PLCXD1: variants seen among roughly 807,000 people sequenced by gnomAD.
The protein encoded by PLCXD1 is phosphatidylinositol specific phospholipase C X domain containing 1, also known as PI-PLC X domain-containing protein 1.
A neutral mutation model predicts 37.8 loss-of-function variants in PLCXD1; 45 were observed. That is an observed-to-expected ratio of 1.19 (90% CI 0.94 to 1.53). The LOEUF (loss-of-function observed/expected upper bound fraction) is 1.53, where lower values mean the gene tolerates loss of function less well. PLCXD1 is among the 40% of genes most tolerant of loss of function. The probability of loss-of-function intolerance (pLI) is 0.00; values close to 1 mark genes in which losing one functional copy is unlikely to be tolerated. For synonymous variants in PLCXD1, 246 were observed against 206.9 expected (o/e 1.19, Z -1.62); for missense variants, 539 against 454.7 (o/e 1.19, Z -1.69).
chrX:279,814 A>C (rs766667152), upstream of PLCXD1, among the ~76,000 whole-genome samples: 9 of 152,088 alleles, frequency 5.9e-5, no homozygotes, highest in South Asian at 1.9e-3. Flanking sequence ...TATTAGTAGA[A>C]AGGAATATCT....
Position 300,634 on chromosome X carries a change from G to A in PLCXD1, c.*1299G>A, listed in dbSNP as rs767565959. On this transcript the variant is annotated 3_prime_UTR_variant, in exon 7 of 7. Coordinates refer to ENST00000381657, the MANE Select transcript of PLCXD1 (RefSeq NM_018390.4). ...TGCGTGTATACGTGTATGTATACAT[G>A]TATATGTGTGTATGCGTGTATATAC... is the stretch of plus-strand genomic sequence containing the variant. 3 of 152,040 alleles carry A rather than the reference G, an allele frequency of 2.0e-5. No individual in the cohort carries two copies. Among genetic ancestry groups the A allele is most frequent in the African/African-American group, 7.2e-5 (3 of 41,442 alleles). 9.4% of individuals were successfully genotyped at this position (152,040 alleles called of 1,614,324 possible). A position where few individuals can be genotyped will look rare whatever the true frequency, so the allele number is the denominator to read the frequency against.
rs760481264 is a variant in PLCXD1 at position 299,422 on chromosome X, G to A, written c.*87G>A. ...TGTGACTTTGTTTGGGCCAAATGTT[G>A]GTGATCATAGGACCGATGATAATAC... On this transcript the variant is annotated 3_prime_UTR_variant, in exon 7 of 7. Coordinates refer to ENST00000381657, the MANE Select transcript of PLCXD1 (RefSeq NM_018390.4). The A allele has an allele frequency of 4.5e-4, 417 of 930,360 alleles. 10 individuals carry two copies. In the South Asian group the frequency reaches 5.4e-3, roughly 12 times the overall value. 57.6% of individuals were successfully genotyped at this position (930,360 alleles called of 1,614,324 possible).
intron 6 of PLCXD1, among the ~76,000 whole-genome samples, chrX:294,346 G>A (rs1277893155): frequency 6.6e-6 from 1 of 152,170 alleles, no homozygotes; most frequent in East Asian, 1.9e-4. Flanking sequence ...GCCGGGCGTG[G>A]TGGCGGGCGC....
At position 297,762 on chromosome X, in the gene PLCXD1, T is replaced by A. The variant is rs1232695045; in HGVS notation, c.734-1335T>A. On this transcript the variant is annotated intron_variant, in intron 6 of 6. Coordinates refer to ENST00000381657, the MANE Select transcript of PLCXD1 (RefSeq NM_018390.4). ...ACATCTTTGGGGCTGTTATTCTGTC[T>A]ATCACATGGGGATTAGGACGTGGAC... 3.2e-5 allele frequency among the ~76,000 whole-genome samples: 2 copies of A among 62,500 alleles called. 1 individual carries two copies. Among genetic ancestry groups the A allele is most frequent in the Non-Finnish European group, 5.3e-5 (2 of 37,978 alleles). 41.0% of individuals were successfully genotyped at this position (62,500 alleles called of 152,430 possible).
intron 6 of PLCXD1, among the ~76,000 whole-genome samples, chrX:295,357 C>T (rs749866530): frequency 3.9e-5 from 6 of 152,034 alleles, no homozygotes; most frequent in South Asian, 2.1e-4. Flanking sequence ...GGGGCCGTCT[C>T]GGTCCTGCAG....
chrX:290,703 T>G lies in PLCXD1; in HGVS notation c.320T>G (p.Ile107Arg). The G allele has an allele frequency of 6.2e-7, 1 of 1,613,328 alleles. No homozygotes were observed. The highest frequency in any genetic ancestry group is 8.5e-7 in the Non-Finnish European group (1 of 1,179,368). The change falls in exon 4 of 7, where the codon ATA (isoleucine) becomes AGA (arginine). Residue 107 changes from isoleucine (I) to arginine (R), a missense_variant. Coordinates refer to ENST00000381657, the MANE Select transcript of PLCXD1 (RefSeq NM_018390.4). The stretch of plus-strand genomic sequence containing the variant: ...GGGGTGCGGTACCTGGACCTGCGGA[T>G]AGCCCACATGCTGGAGGGCTCGGAG... ...DAGVRYLDLR[I>R]AHMLEGSEKN...
chrX:299,587 A>G lies in PLCXD1; in HGVS notation c.*252A>G, dbSNP rs112196774. The G allele has an allele frequency of 0.066, 37,393 of 566,596 alleles. 1,358 individuals carry two copies. Among genetic ancestry groups the G allele is most frequent in the Middle Eastern group, 0.097 (205 of 2,106 alleles). 35.1% of individuals were successfully genotyped at this position (566,596 alleles called of 1,614,324 possible). A position where few individuals can be genotyped will look rare whatever the true frequency, so the allele number is the denominator to read the frequency against. ...AGCCTGACCAACATGGTGAAATCCC[A>G]TCTCTACTAAAAATACAAAACTTAG... On this transcript the variant is annotated 3_prime_UTR_variant, in exon 7 of 7. Transcript: ENST00000381657.
upstream of PLCXD1, among the ~76,000 whole-genome samples, chrX:277,108 C>T (rs965698140): frequency 5.3e-5 from 8 of 152,210 alleles, no homozygotes; most frequent in East Asian, 9.7e-4. Flanking sequence ...GCCGTCCGGA[C>T]GAGATGGCAG....
At chrX:277,066 C>T (rs867437081), upstream of PLCXD1, among the ~76,000 whole-genome samples, 12 of 152,260 alleles carry the variant, frequency 7.9e-5, 1 homozygote, top group East Asian at 1.6e-3. Flanking sequence ...GTCAGTGCTC[C>T]GTGGGACGGC....
chrX:286,656 T>TGTCA (rs1390578923), intron 2 of PLCXD1, among the ~76,000 whole-genome samples: 4 of 152,106 alleles, frequency 2.6e-5, no homozygotes, highest in Admixed American at 6.6e-5. Context: ...GGGCTACATG[T>TGTCA]GTCAGCTAAC....
intron 3 of PLCXD1, among the ~76,000 whole-genome samples, chrX:290,340 G>A (rs1320775824): frequency 6.6e-6 from 1 of 151,334 alleles, no homozygotes; most frequent in Non-Finnish European, 1.5e-5. Flanking sequence ...TGAGGCAGGA[G>A]AACGGCATGA....
rs2070019777 is a variant in PLCXD1, at chrX:301,652, G to C, written c.*2317G>C. ...GGAGGAGTATTATGTTTGAGATGGA[G>C]TCTCGCTCTGTCGCCCAGGCTGGAG... On this transcript the variant is annotated 3_prime_UTR_variant, in exon 7 of 7. Transcript: ENST00000381657. 1 of 152,306 alleles carries C rather than the reference G, an allele frequency of 6.6e-6. No individual in the cohort carries two copies. The highest frequency in any genetic ancestry group is 1.9e-4 in the East Asian group (1 of 5,188). The allele number at this position is 152,306 out of a possible 1,614,324, so 9.4% of individuals were successfully genotyped here. A position where few individuals can be genotyped will look rare whatever the true frequency, so the allele number is the denominator to read the frequency against.
chrX:284,357 T>G (rs765459353), intron 2 of PLCXD1, 43 bp downstream of exon 2: 2 of 1,608,326 alleles, frequency 1.2e-6, no homozygotes, highest in Non-Finnish European at 1.7e-6. Flanking sequence ...CTATCCCAGG[T>G]GACGGCAGGG....
chrX:290,848 GGCT>G, intron 4 of PLCXD1, 72 bp downstream of exon 4: 6 of 1,247,522 alleles, frequency 4.8e-6, no homozygotes, highest in Non-Finnish European at 6.6e-6. Context: ...GGTGCGGCCG[GGCT>G]GAGGTGGGAA....
intron 1 of PLCXD1, among the ~76,000 whole-genome samples, chrX:282,959 T>C (rs1418105730): frequency 4.8e-5 from 7 of 145,782 alleles, no homozygotes; most frequent in African/African-American, 1.8e-4. Context: ...ATATATATTA[T>C]ATATGTATAT....
chrX:295,902 G>A (rs976837269), intron 6 of PLCXD1, among the ~76,000 whole-genome samples: 2 of 151,868 alleles, frequency 1.3e-5, no homozygotes, highest in East Asian at 1.9e-4. Flanking sequence ...GTGCAATGGC[G>A]CAATCTTGGC....
intron 6 of PLCXD1, among the ~76,000 whole-genome samples, chrX:297,799 C>T (rs1461034073): frequency 2.1e-5 from 1 of 47,564 alleles, no homozygotes; most frequent in Non-Finnish European, 3.2e-5. Context: ...TCTTTGGGGC[C>T]ATTATTCTGT....
Position 301,447 on chromosome X carries a change from A to ATTGTT in PLCXD1, c.*2114_*2115insGTTTT, listed in dbSNP as rs374829695. ...GTGTCAGCCACCACACCCACAGCTAATTTTTTTTGTAGAGATGGGGTCTGG... is the reference window on the plus strand; with the variant it reads ...GTGTCAGCCACCACACCCACAGCTAATTGTTTTTTTTTTGTAGAGATGGGGTCTGG... On this transcript the variant is annotated 3_prime_UTR_variant, in exon 7 of 7. Coordinates refer to ENST00000381657, the MANE Select transcript of PLCXD1 (RefSeq NM_018390.4). 5.7e-4 allele frequency: 86 copies of ATTGTT among 151,508 alleles called. 1 individual carries two copies. Among genetic ancestry groups the ATTGTT allele is most frequent in the African/African-American group, 1.8e-3 (76 of 41,198 alleles). The allele number at this position is 151,508 out of a possible 1,614,324, so 9.4% of individuals were successfully genotyped here. A position where few individuals can be genotyped will look rare whatever the true frequency, so the allele number is the denominator to read the frequency against.
At chrX:293,430 C>A (rs1006004612) in intron 6 of PLCXD1, among the ~76,000 whole-genome samples, 2 of 152,208 alleles carry the variant, frequency 1.3e-5, no homozygotes, top group Middle Eastern at 6.3e-3. Context: ...TTGAGACCAG[C>A]CTGGCCAACA....
Sources: gnomAD v4.1 joint callset for allele counts (sites outside exome capture counted in the v4.1 genomes callset) on GRCh38, gnomAD v4.1.1 for gene constraint, MANE v1.5 for transcripts, NCBI Gene and HGNC (gene_info 2026-07-23, HGNC 2026-07-21) for gene names.